The following RAB23 variants were observed in gnomAD, a reference collection of about 807,000 sequenced individuals.
The protein encoded by RAB23 is RAB23, member RAS oncogene family, also known as ras-related protein Rab-23.
A neutral mutation model predicts 30.0 loss-of-function variants in RAB23; 15 were observed. That is an observed-to-expected ratio of 0.50 (90% CI 0.33 to 0.77). RAB23 has a LOEUF of 0.77. Among genes scored for constraint, RAB23 ranks in the 30% least tolerant of loss-of-function variants. RAB23 has a pLI of 0.02. For synonymous variants in RAB23, 93 were observed against 94.0 expected, an observed-to-expected ratio of 0.99 and a Z score of 0.06; for missense variants, 243 against 275.4, an observed-to-expected ratio of 0.88 and a Z score of 0.83.
Position 57,195,851 on chromosome 6 carries a change from T to A in RAB23, c.398+599A>T, listed in dbSNP as rs570366963. On this transcript the variant is annotated intron_variant, in intron 4 of 6. Coordinates refer to ENST00000468148, the MANE Select transcript of RAB23 (RefSeq NM_016277.5). ...ACTGTGATATAATAGATGTTTGTTG[T>A]TTTAAGACACTAAGTTTTGGGCTAA... 4.6e-5 allele frequency among the ~76,000 whole-genome samples: 7 copies of A among 152,324 alleles called. No homozygotes were observed. In the East Asian group the frequency reaches 1.3e-3, roughly 29 times the overall value.
intron 6 of RAB23, among the ~76,000 whole-genome samples, chr6:57,191,754 C>T (rs367800312): frequency 9.2e-5 from 14 of 152,102 alleles, no homozygotes; most frequent in Middle Eastern, 3.2e-3. Context: ...CTGGCAACTA[C>T]GATAATTTTA....
intron 1 of RAB23, among the ~76,000 whole-genome samples, chr6:57,212,554 T>C (rs1765694199): frequency 6.6e-6 from 1 of 152,080 alleles, no homozygotes; most frequent in Admixed American, 6.6e-5. Flanking sequence ...TGATTCTCAA[T>C]TTTGGCTATA....
intron 3 of RAB23, 81 bp downstream of exon 3, chr6:57,207,547 G>T: frequency 2.0e-6 from 2 of 982,904 alleles, no homozygotes; most frequent in Admixed American, 3.5e-5. Flanking sequence ...GCCCTTATAC[G>T]GGAAACAAAG....
chr6:57,207,959 G>T (rs1190028907), intron 2 of RAB23, among the ~76,000 whole-genome samples: 1 of 152,094 alleles, frequency 6.6e-6, no homozygotes, highest in Non-Finnish European at 1.5e-5. Context: ...AAACTCATAA[G>T]CTGAACTATT....
intron 1 of RAB23, among the ~76,000 whole-genome samples, chr6:57,212,860 G>A (rs1765704474): frequency 6.6e-6 from 1 of 152,034 alleles, no homozygotes. Context: ...CTTCAGCTTG[G>A]GTGACAGAGC....
rs2127995415 is a variant in RAB23 at position 57,188,714 on chromosome 6, A to AAAAT, written c.*1743_*1746dup. ...GGGAGTGGTGACAACTGGTGACATA[A>AAAAT]AAATAAGCATTTTACATTACTGTGA... is the stretch of plus-strand genomic sequence containing the variant. On this transcript the variant is annotated 3_prime_UTR_variant, in exon 7 of 7. Transcript: ENST00000468148. 6.6e-6 allele frequency: 1 copy of AAAAT among 152,356 alleles called. No homozygotes were observed. Among genetic ancestry groups the AAAAT allele is most frequent in the South Asian group, 2.1e-4 (1 of 4,834 alleles). The allele number at this position is 152,356 out of a possible 1,614,324, so 9.4% of individuals were successfully genotyped here.
intron 1 of RAB23, among the ~76,000 whole-genome samples, chr6:57,212,580 G>C (rs1200952321): frequency 6.6e-6 from 1 of 152,010 alleles, no homozygotes; most frequent in Non-Finnish European, 1.5e-5. Flanking sequence ...GGATCATCTA[G>C]ATAACTTTAA....
At chr6:57,194,975 A>G (rs2127998067) in intron 4 of RAB23, 123 bp from the exon 5 acceptor site, 2 of 702,630 alleles carry the variant, frequency 2.8e-6, no homozygotes, top group Non-Finnish European at 4.9e-6. Context: ...GGTGGATCAG[A>G]TCTTTCAGAA....
At chr6:57,211,671 C>G (rs1765659321) in intron 1 of RAB23, among the ~76,000 whole-genome samples, 1 of 152,154 alleles carries the variant, frequency 6.6e-6, no homozygotes, top group Non-Finnish European at 1.5e-5. Flanking sequence ...GTTTGGTTTA[C>G]AATGAATCCT....
Position 57,189,203 on chromosome 6 carries a change from A to AATG in RAB23, c.*1255_*1257dup, listed in dbSNP as rs1764734803. ...ACATATTAAATCATTTTGTAAAAGA[A>AATG]ATGATTCTGTATGTGGGACTGACAG... is the stretch of plus-strand genomic sequence containing the variant. On this transcript the variant is annotated 3_prime_UTR_variant, in exon 7 of 7. Coordinates refer to ENST00000468148, the MANE Select transcript of RAB23 (RefSeq NM_016277.5). 1 of 152,190 alleles carries AATG rather than the reference A, an allele frequency of 6.6e-6. No homozygotes were observed. The highest frequency in any genetic ancestry group is 1.5e-5 in the Non-Finnish European group (1 of 68,032). 9.4% of individuals were successfully genotyped at this position (152,190 alleles called of 1,614,324 possible). A position where few individuals can be genotyped will look rare whatever the true frequency, so the allele number is the denominator to read the frequency against.
chr6:57,198,505 A>G (rs1765113713), intron 3 of RAB23, among the ~76,000 whole-genome samples: 2 of 151,938 alleles, frequency 1.3e-5, no homozygotes, highest in Admixed American at 1.3e-4. Flanking sequence ...ACATGGCAAA[A>G]CCCCATCTCT....
At chr6:57,197,602 A>C (rs1403672656) in intron 3 of RAB23, among the ~76,000 whole-genome samples, 2 of 152,190 alleles carry the variant, frequency 1.3e-5, no homozygotes, top group African/African-American at 4.8e-5. Context: ...TAGAGCCAAA[A>C]CTAGTCTGTA....
intron 1 of RAB23, among the ~76,000 whole-genome samples, chr6:57,218,779 G>A (rs1765942840): frequency 6.6e-6 from 1 of 151,702 alleles, no homozygotes; most frequent in Admixed American, 6.6e-5. Context: ...TTGAACCCGG[G>A]AGGCAGAGGT....
intron 4 of RAB23, among the ~76,000 whole-genome samples, chr6:57,195,292 T>TA (rs1764981089): frequency 1.3e-5 from 2 of 152,242 alleles, no homozygotes; most frequent in South Asian, 4.1e-4. Flanking sequence ...ATTTTATTCT[T>TA]ACTGGCCATG....
chr6:57,210,099 G>A, intron 2 of RAB23, 127 bp downstream of exon 2: 1 of 932,614 alleles, frequency 1.1e-6, no homozygotes, highest in Admixed American at 2.0e-5. Context: ...CACCATCACT[G>A]TCGCATGAGC....
Position 57,210,382 on chromosome 6 carries a change from T to G in RAB23, c.-2A>C. The G allele has an allele frequency of 6.2e-7, 1 of 1,613,966 alleles. No homozygotes were observed. ...GACTTCCATATCTTCCTCCAACATT[T>G]TTGGAGCTGAAATGGTTTCTGTACC... On this transcript the variant is annotated 5_prime_UTR_variant, in exon 2 of 7. Transcript: ENST00000468148.
Position 57,189,152 on chromosome 6 carries a change from CA to C in RAB23, c.*1308del, listed in dbSNP as rs1764732657. ...GCTGGAAAGCTACTGTCCCAAGTGACAAAATTTATGTCCTGACACATGATTA... is the reference window on the plus strand; with the variant it reads ...GCTGGAAAGCTACTGTCCCAAGTGACAAATTTATGTCCTGACACATGATTA... On this transcript the variant is annotated 3_prime_UTR_variant, in exon 7 of 7. Transcript: ENST00000468148. The C allele has an allele frequency of 6.6e-6, 1 of 152,138 alleles. No homozygotes were observed. The highest frequency in any genetic ancestry group is 2.4e-5 in the African/African-American group (1 of 41,436). 9.4% of individuals were successfully genotyped at this position (152,138 alleles called of 1,614,324 possible).
intron 1 of RAB23, among the ~76,000 whole-genome samples, chr6:57,211,815 T>C (rs1022030027): frequency 1.3e-5 from 2 of 152,224 alleles, no homozygotes; most frequent in African/African-American, 4.8e-5. Context: ...TTTCTTCATG[T>C]TTCTTCTTAA....
intron 3 of RAB23, among the ~76,000 whole-genome samples, chr6:57,205,069 T>C (rs1765405026): frequency 6.6e-6 from 1 of 150,960 alleles, no homozygotes; most frequent in South Asian, 2.1e-4. Flanking sequence ...TATGTGTATA[T>C]ATACATATAC....
Sources: gnomAD v4.1 joint callset for allele counts (sites outside exome capture counted in the v4.1 genomes callset) on GRCh38, gnomAD v4.1.1 for gene constraint, MANE v1.5 for transcripts, NCBI Gene and HGNC (gene_info 2026-07-23, HGNC 2026-07-21) for gene names.